ADAM7: variants seen among roughly 807,000 people sequenced by gnomAD.
The protein encoded by ADAM7 is disintegrin and metalloproteinase domain-containing protein 7.
In ADAM7, 97 loss-of-function variants were observed where a neutral mutation model predicts 102.9. The ratio of observed to expected loss-of-function variants is 0.94; its 90% CI spans 0.80 to 1.12. ADAM7 has a LOEUF of 1.12. Ranked by LOEUF, ADAM7 falls within the 50% of genes most tolerant of loss-of-function variation. The pLI, the probability that ADAM7 is intolerant of heterozygous loss-of-function variation, is 0.00. For synonymous variants in ADAM7, 334 were observed against 304.4 expected (o/e 1.10, Z -1.01); for missense variants, 991 against 908.7 (o/e 1.09, Z -1.16).
At chr8:24,497,662 T>A (rs1451794218) in intron 16 of ADAM7, among the ~76,000 whole-genome samples, 2 of 152,064 alleles carry the variant, frequency 1.3e-5, no homozygotes, top group Non-Finnish European at 2.9e-5. Flanking sequence ...ATATAGTTAA[T>A]GAAATAATCA....
intron 16 of ADAM7, among the ~76,000 whole-genome samples, chr8:24,498,705 G>A (rs1331483792): frequency 6.6e-6 from 1 of 151,666 alleles, no homozygotes; most frequent in Admixed American, 6.6e-5. Context: ...GATGAGTAAG[G>A]ATGAATCACG....
chr8:24,500,973 T>C (rs1820739596), intron 19 of ADAM7, 78 bp downstream of exon 19: 3 of 1,199,592 alleles, frequency 2.5e-6, no homozygotes, highest in Non-Finnish European at 3.6e-6. Flanking sequence ...ATAGAGGATA[T>C]TCAATGGGGG....
chr8:24,467,303 C>A (rs1235638783), intron 6 of ADAM7: 1 of 373,486 alleles, frequency 2.7e-6, no homozygotes, highest in Non-Finnish European at 4.7e-6. Flanking sequence ...AGTGTCTTTC[C>A]TTTTCTTCCC....
intron 9 of ADAM7, among the ~76,000 whole-genome samples, chr8:24,483,206 T>C (rs1455280884): frequency 6.6e-6 from 1 of 152,196 alleles, no homozygotes; most frequent in Non-Finnish European, 1.5e-5. Flanking sequence ...TCATTTTTGT[T>C]ATTCAAGATA....
At position 24,468,776 on chromosome 8, in the gene ADAM7, G is replaced by T. The variant is rs1819512903; in HGVS notation, c.589G>T (p.Asp197Tyr). ...TTCCCTAACTTTACAGGGCATCCAT[G>T]ATGAAAAGTATGTTGAATTGTTCAT... Reference protein sequence around the residue: ...EEDSKIKGIHDEKYVELFIVA... With the variant: ...EEDSKIKGIHYEKYVELFIVA... Residue 197 changes from aspartate to tyrosine, a missense_variant, in exon 7 of 22, where the codon GAT (aspartate) becomes TAT (tyrosine). Asp to Tyr is a radical substitution (Grantham distance 160). Transcript: ENST00000175238. The T allele has an allele frequency of 4.3e-6, 7 of 1,613,276 alleles. No homozygotes were observed. The highest frequency in any genetic ancestry group is 1.1e-5 in the South Asian group (1 of 90,970).
chr8:24,449,483 C>T (rs1818695900), intron 3 of ADAM7, among the ~76,000 whole-genome samples: 1 of 152,108 alleles, frequency 6.6e-6, no homozygotes, highest in Non-Finnish European at 1.5e-5. Context: ...GGCCTTAGCC[C>T]ACTTTTTGAT....
chr8:24,489,447 A>C (rs1451836348), intron 12 of ADAM7, 114 bp downstream of exon 12: 4 of 1,029,628 alleles, frequency 3.9e-6, no homozygotes, highest in African/African-American at 3.3e-5. Flanking sequence ...AACTTTTAAA[A>C]ATTTTGCTTT....
intron 7 of ADAM7, among the ~76,000 whole-genome samples, chr8:24,470,898 T>C (rs533299149): frequency 6.8e-4 from 103 of 152,274 alleles, no homozygotes; most frequent in African/African-American, 2.1e-3. Context: ...ATAGCTTAGG[T>C]GAGTCTTTCA....
intron 3 of ADAM7, among the ~76,000 whole-genome samples, chr8:24,451,329 C>T (rs530667634): frequency 6.7e-4 from 102 of 152,196 alleles, no homozygotes; most frequent in African/African-American, 2.2e-3. Flanking sequence ...AATTTCAGAG[C>T]CTGTTATTGG....
intron 1 of ADAM7, among the ~76,000 whole-genome samples, chr8:24,442,264 G>A (rs932342306): frequency 1.3e-5 from 2 of 152,112 alleles, no homozygotes; most frequent in Admixed American, 1.3e-4. Context: ...GATTTCTTTG[G>A]CTCCTTTCCA....
At position 24,487,412 on chromosome 8, in the gene ADAM7, C is replaced by T. The variant is rs542249110; in HGVS notation, c.1091+95C>T. On this transcript the variant is annotated intron_variant, in intron 11 of 21. Coordinates refer to ENST00000175238, the MANE Select transcript of ADAM7 (RefSeq NM_003817.4). ...CTGTAATCCCAGCACTTTGGGAGGCCGAGGCAGGTGGATCACCTGAGGTCA... is the reference window on the plus strand; with the variant it reads ...CTGTAATCCCAGCACTTTGGGAGGCTGAGGCAGGTGGATCACCTGAGGTCA... 3.2e-4 allele frequency: 454 copies of T among 1,418,648 alleles called. 2 individuals carry two copies. In the East Asian group the frequency reaches 7.0e-3, roughly 22 times the overall value. 87.9% of individuals were successfully genotyped at this position (1,418,648 alleles called of 1,614,324 possible).
intron 20 of ADAM7, among the ~76,000 whole-genome samples, chr8:24,504,068 A>AAAATG (rs1563399511): frequency 8.9e-5 from 13 of 145,986 alleles, no homozygotes; most frequent in African/African-American, 3.2e-4. Context: ...TAAAATAAAT[A>AAAATG]AAATAAAAAA....
At chr8:24,449,365 G>T (rs1343940641) in intron 3 of ADAM7, among the ~76,000 whole-genome samples, 3 of 152,114 alleles carry the variant, frequency 2.0e-5, no homozygotes, top group East Asian at 1.9e-4. Flanking sequence ...TGAGATGATA[G>T]CTCATTGTGG....
chr8:24,448,903 T>C (rs980640057), intron 3 of ADAM7, among the ~76,000 whole-genome samples: 10 of 152,128 alleles, frequency 6.6e-5, no homozygotes, highest in African/African-American at 2.4e-4. Flanking sequence ...ATATGCGGTG[T>C]TTGCATTTTT....
chr8:24,472,383 G>C (rs1322911296), intron 7 of ADAM7, among the ~76,000 whole-genome samples: 1 of 151,760 alleles, frequency 6.6e-6, no homozygotes, highest in Non-Finnish European at 1.5e-5. Context: ...AAATAGCAAA[G>C]AGATATCATA....
intron 1 of ADAM7, among the ~76,000 whole-genome samples, chr8:24,441,612 T>C (rs1818375311): frequency 6.6e-6 from 1 of 152,176 alleles, no homozygotes. Flanking sequence ...TTTTTATTGC[T>C]CTTTAAGTAT....
chr8:24,472,706 C>T (rs972904837), intron 7 of ADAM7, among the ~76,000 whole-genome samples: 1 of 151,630 alleles, frequency 6.6e-6, no homozygotes, highest in South Asian at 2.1e-4. Context: ...GAAAACAAAA[C>T]AATATAAATC....
chr8:24,447,943 C>T (rs1195437837), intron 3 of ADAM7, among the ~76,000 whole-genome samples: 1 of 68,326 alleles, frequency 1.5e-5, no homozygotes, highest in Non-Finnish European at 3.2e-5. Context: ...ACAAAACACA[C>T]ACACACACAC....
At chr8:24,486,287 GA>G in intron 10 of ADAM7, among the ~76,000 whole-genome samples, 1 of 152,240 alleles carries the variant, frequency 6.6e-6, no homozygotes, top group Non-Finnish European at 1.5e-5. Context: ...TATTAACATA[GA>G]AATTAAAGCA....
Sources: allele counts gnomAD v4.1 joint callset (sites outside exome capture counted in the v4.1 genomes callset), GRCh38; gene constraint gnomAD v4.1.1; transcripts MANE v1.5; gene names NCBI Gene and HGNC (gene_info 2026-07-23, HGNC 2026-07-21).